MBNL2: variants seen among roughly 807,000 people sequenced by gnomAD.
MBNL2 encodes muscleblind like splicing regulator 2, also known as muscleblind-like protein 2.
MBNL2 carries 17 observed loss-of-function variants against 41.9 expected under a neutral mutation model. The observed-to-expected ratio is 0.41, with a 90% CI of 0.28 to 0.61. The LOEUF is 0.61. MBNL2 is among the 20% of genes least tolerant of loss of function. The pLI, the probability that MBNL2 is intolerant of heterozygous loss-of-function variation, is 0.35. For synonymous variants in MBNL2, 195 were observed against 182.9 expected (o/e 1.07, Z -0.53); for missense variants, 336 against 505.6 (o/e 0.66, Z 3.22).
rs2063094324 is a variant in MBNL2, at chr13:97,357,537, G to A, written c.914G>A (p.Ser305Asn). 8 of 1,614,064 alleles carry A rather than the reference G, an allele frequency of 5.0e-6. No individual in the cohort carries two copies. Among genetic ancestry groups the A allele is most frequent in the South Asian group, 1.1e-5 (1 of 91,080 alleles). ...CCAAAGAGACAAGCACTTGAAAAAA[G>A]CAATGGTACCAGCGCGGTCTTTAAC... ...PLPKRQALEKSNGTSAVFNPS... is the reference protein window; with the variant it reads ...PLPKRQALEKNNGTSAVFNPS... The change falls in exon 7 of 9, where the codon AGC becomes AAC. Residue 305 changes from serine (S) to asparagine (N), a missense_variant. Transcript: ENST00000679496.
At chr13:97,314,695 T>A (rs2058887839) in intron 2 of MBNL2, among the ~76,000 whole-genome samples, 1 of 152,214 alleles carries the variant, frequency 6.6e-6, no homozygotes, top group Non-Finnish European at 1.5e-5. Context: ...TTCTTTGAGA[T>A]AATCCGCAGC....
intron 2 of MBNL2, among the ~76,000 whole-genome samples, chr13:97,332,049 A>G (rs2153060680): frequency 6.6e-6 from 1 of 152,368 alleles, no homozygotes; most frequent in East Asian, 1.9e-4. Context: ...ACAATATAAC[A>G]GCCATACTGG....
intron 8 of MBNL2, among the ~76,000 whole-genome samples, chr13:97,373,656 G>C (rs570618289): frequency 1.6e-4 from 23 of 145,322 alleles, no homozygotes; most frequent in Admixed American, 1.2e-3. Context: ...GGGATACTCT[G>C]TCTATCTTAG....
intron 8 of MBNL2, among the ~76,000 whole-genome samples, chr13:97,368,449 A>C (rs1270390892): frequency 6.6e-6 from 1 of 152,044 alleles, no homozygotes; most frequent in Non-Finnish European, 1.5e-5. Context: ...ACAAGTTTGA[A>C]GTATAATATA....
At chr13:97,297,123 T>C (rs1045506236) in intron 2 of MBNL2, among the ~76,000 whole-genome samples, 1 of 152,346 alleles carries the variant, frequency 6.6e-6, no homozygotes, top group Admixed American at 6.5e-5. Context: ...TTTCTACTTA[T>C]GCCTTACCTC....
rs185375686 is a variant in MBNL2, at chr13:97,366,767, C to T, written c.1048+1596C>T. The T allele has an allele frequency of 8.0e-6, 5 of 628,744 alleles. No homozygotes were observed. The East Asian group carries it at 1.5e-4, about 18-fold the overall frequency. 38.9% of individuals were successfully genotyped at this position (628,744 alleles called of 1,614,324 possible). On this transcript the variant is annotated intron_variant, in intron 8 of 8. Transcript: ENST00000679496. This position sits in a 1 kb window ranked among gnomAD's most constrained non-coding sequence, Gnocchi z 4.7. The stretch of plus-strand genomic sequence containing the variant: ...TGATGTAGCTATGTTTTGTGTTGCA[C>T]TGTTTGTTTTCGTACCTAATATTGT...
chr13:97,214,049 A>C, the MBNL2 span, among the ~76,000 whole-genome samples: 1 of 152,092 alleles, frequency 6.6e-6, no homozygotes, highest in Non-Finnish European at 1.5e-5. Context: ...GAACCCACCC[A>C]CTTCTGAACC....
chr13:97,312,125 A>G (rs185458381), intron 2 of MBNL2, among the ~76,000 whole-genome samples: 5 of 152,314 alleles, frequency 3.3e-5, no homozygotes, highest in Admixed American at 1.3e-4. Flanking sequence ...AATAACTTGA[A>G]AAACAGATTC....
At chr13:97,239,800 T>C (rs1054149776) in intron 1 of MBNL2, among the ~76,000 whole-genome samples, 1 of 152,206 alleles carries the variant, frequency 6.6e-6, no homozygotes, top group African/African-American at 2.4e-5. Context: ...CTGCACAAAA[T>C]GTACAGCACG....
At chr13:97,281,134 T>G (rs2053319432) in intron 2 of MBNL2, among the ~76,000 whole-genome samples, 1 of 152,200 alleles carries the variant, frequency 6.6e-6, no homozygotes, top group African/African-American at 2.4e-5. Flanking sequence ...TCAATAAATA[T>G]TTGTTGAATT....
intron 2 of MBNL2, among the ~76,000 whole-genome samples, chr13:97,308,243 C>T (rs1038105562): frequency 4.6e-5 from 7 of 152,212 alleles, no homozygotes; most frequent in African/African-American, 1.7e-4. Context: ...TTTATATCAC[C>T]ACAGTACAGT....
intron 1 of MBNL2, among the ~76,000 whole-genome samples, chr13:97,235,204 C>A (rs2043047128): frequency 6.6e-6 from 1 of 152,108 alleles, no homozygotes; most frequent in Non-Finnish European, 1.5e-5. Context: ...TACTCTATCA[C>A]AAACTCTGTC....
chr13:97,185,828 A>G, the MBNL2 span, among the ~76,000 whole-genome samples: 2 of 152,338 alleles, frequency 1.3e-5, no homozygotes, highest in African/African-American at 4.8e-5. Flanking sequence ...GCCACAGGAA[A>G]CTAATCAAAT....
chr13:97,377,090 G>A (rs1402350357), intron 8 of MBNL2, among the ~76,000 whole-genome samples: 7 of 152,240 alleles, frequency 4.6e-5, no homozygotes, highest in Non-Finnish European at 8.8e-5. Flanking sequence ...AACCCACCAC[G>A]TGCCAGACAC....
At position 97,343,171 on chromosome 13, in the gene MBNL2, G is replaced by A. The variant is rs765781172; in HGVS notation, c.495G>A (p.Pro165=). The change falls in exon 4 of 9, where the codon CCG becomes CCA. Residue 165 remains proline, a synonymous_variant. Coordinates refer to ENST00000679496, the MANE Select transcript of MBNL2 (RefSeq NM_001382683.1). The part of the protein sequence containing the change: ...IVPGSPPVTV[P]GSTATQKLLR... ...CCGGAAGTCCACCGGTCACTGTCCC[G>A]GGCTCAACTGCAACTCAGAAACTTC... The A allele has an allele frequency of 9.3e-6, 15 of 1,613,368 alleles. No homozygotes were observed. The highest frequency in any genetic ancestry group is 2.2e-5 in the East Asian group (1 of 44,864).
chr13:97,328,172 CCTTT>C (rs1217345453), intron 2 of MBNL2, among the ~76,000 whole-genome samples: 1 of 143,786 alleles, frequency 7.0e-6, no homozygotes, highest in African/African-American at 2.9e-5. Flanking sequence ...TTTCCTTAAC[CCTTT>C]TTTTTTTTTT....
chr13:97,205,357 T>C, the MBNL2 span, among the ~76,000 whole-genome samples: 12,308 of 151,132 alleles, frequency 0.081, 759 homozygotes, highest in Non-Finnish European at 0.13. Flanking sequence ...GCCACTGCAC[T>C]CTAGCCTGGG....
At chr13:97,149,821 G>C in the MBNL2 span, among the ~76,000 whole-genome samples, 1 of 152,070 alleles carries the variant, frequency 6.6e-6, no homozygotes, top group African/African-American at 2.4e-5. Context: ...GTCTGTTTTG[G>C]TTCCCATATT....
At chr13:97,158,487 T>G in the MBNL2 span, among the ~76,000 whole-genome samples, 170 of 152,208 alleles carry the variant, frequency 1.1e-3, no homozygotes, top group African/African-American at 4.0e-3. Flanking sequence ...ATTGTGATGT[T>G]AGGGTGTCAA....
Sources: allele counts gnomAD v4.1 joint callset (sites outside exome capture counted in the v4.1 genomes callset), GRCh38; gene constraint gnomAD v4.1.1; non-coding constraint Gnocchi (gnomAD v3.1); transcripts MANE v1.5; gene names NCBI Gene and HGNC (gene_info 2026-07-23, HGNC 2026-07-21).